Variants in OPHN1 observed in about 807,000 individuals in gnomAD.
OPHN1 encodes the protein oligophrenin 1, also known as oligophrenin-1.
A neutral mutation model predicts 60.7 loss-of-function variants in OPHN1; 11 were observed. The observed-to-expected ratio is 0.18, with a 90% CI of 0.11 to 0.30. OPHN1 has a LOEUF of 0.30. Among genes scored for constraint, OPHN1 ranks in the 10% least tolerant of loss-of-function variants. The probability of loss-of-function intolerance (pLI) is 1.00; values close to 1 mark genes in which losing one functional copy is unlikely to be tolerated. For synonymous variants in OPHN1, 226 were observed against 222.6 expected, an observed-to-expected ratio of 1.02 and a Z score of -0.14; for missense variants, 449 against 611.0, an observed-to-expected ratio of 0.73 and a Z score of 2.80.
chrX:68,135,277 T>C (rs1314596621), intron 15 of OPHN1, among the ~76,000 whole-genome samples: 1 of 108,640 alleles, frequency 9.2e-6, no homozygotes. Flanking sequence ...ACAAGCTTAG[T>C]TGCAAACAAA....
intron 2 of OPHN1, among the ~76,000 whole-genome samples, chrX:68,353,340 G>A (rs2078422600): frequency 2.0e-5 from 2 of 102,173 alleles, no homozygotes; most frequent in African/African-American, 7.2e-5. Context: ...AGGCTGAGGC[G>A]AGTAGATCAC....
At chrX:68,414,173 T>C (rs1449235133) in intron 2 of OPHN1, among the ~76,000 whole-genome samples, 1 of 112,031 alleles carries the variant, frequency 8.9e-6, no homozygotes, top group Non-Finnish European at 1.9e-5. Flanking sequence ...TCAGTGCCAG[T>C]AGAACCACAA....
intron 19 of OPHN1, among the ~76,000 whole-genome samples, chrX:68,084,199 A>C (rs2076986116): frequency 9.2e-6 from 1 of 108,985 alleles, no homozygotes; most frequent in Admixed American, 9.8e-5. Context: ...CCTGATGTAA[A>C]GAACCTAGCC....
intron 2 of OPHN1, among the ~76,000 whole-genome samples, chrX:68,362,769 G>A: frequency 9.0e-6 from 1 of 111,174 alleles, no homozygotes; most frequent in African/African-American, 3.3e-5. Context: ...TTCAAAGTGT[G>A]AATTCTAATG....
At chrX:68,056,042 T>C (rs1015141307) in intron 21 of OPHN1, among the ~76,000 whole-genome samples, 2 of 110,833 alleles carry the variant, frequency 1.8e-5, no homozygotes, top group Non-Finnish European at 3.8e-5. Context: ...ATATGGCACA[T>C]ATATACATAT....
intron 15 of OPHN1, among the ~76,000 whole-genome samples, chrX:68,142,736 G>C (rs904309490): frequency 1.8e-5 from 2 of 112,073 alleles, no homozygotes; most frequent in African/African-American, 6.5e-5. Flanking sequence ...TGAAAGGTTT[G>C]CTAGGATAGG....
At chrX:68,274,898 A>G (rs1409899389) in intron 4 of OPHN1, 89 bp from the exon 5 acceptor site, 12 of 618,238 alleles carry the variant, frequency 1.9e-5, no homozygotes, top group Non-Finnish European at 2.9e-5. Flanking sequence ...TCATTTATAT[A>G]CCAACCTGCA....
intron 2 of OPHN1, among the ~76,000 whole-genome samples, chrX:68,390,703 C>T (rs1447790431): frequency 1.8e-5 from 2 of 111,942 alleles, no homozygotes; most frequent in African/African-American, 6.5e-5. Context: ...GTGATCAAGA[C>T]GTAAATGGTC....
chrX:68,327,808 A>C (rs112525426), intron 2 of OPHN1, among the ~76,000 whole-genome samples: 1 of 103,486 alleles, frequency 9.7e-6, no homozygotes, highest in Non-Finnish European at 1.9e-5. Flanking sequence ...AAAAAAAAAA[A>C]AAAAAAAAAT....
intron 2 of OPHN1, among the ~76,000 whole-genome samples, chrX:68,311,991 TA>T (rs1230564497): frequency 9.0e-6 from 1 of 111,200 alleles, no homozygotes; most frequent in Non-Finnish European, 1.9e-5. Flanking sequence ...TAATACATTT[TA>T]AAAGCTTAAA....
At chrX:68,365,260 G>T (rs1343354207) in intron 2 of OPHN1, among the ~76,000 whole-genome samples, 1 of 110,075 alleles carries the variant, frequency 9.1e-6, no homozygotes, top group Non-Finnish European at 1.9e-5. Flanking sequence ...AGACTTAAAG[G>T]ATATGTAGGA....
At chrX:68,321,978 T>C (rs1174744025) in intron 2 of OPHN1, among the ~76,000 whole-genome samples, 1 of 110,240 alleles carries the variant, frequency 9.1e-6, no homozygotes, top group Non-Finnish European at 1.9e-5. Context: ...TATTTTATTT[T>C]ATTTTATTTT....
At chrX:68,324,889 A>C (rs1476146205) in intron 2 of OPHN1, among the ~76,000 whole-genome samples, 2 of 107,769 alleles carry the variant, frequency 1.9e-5, no homozygotes, top group African/African-American at 6.8e-5. Context: ...AAAAGTAAAA[A>C]AAAAAAAAAA....
intron 2 of OPHN1, among the ~76,000 whole-genome samples, chrX:68,416,065 TATAGAGAGAG>T (rs1478083669): frequency 2.7e-3 from 14 of 5,190 alleles, no homozygotes; most frequent in African/African-American, 4.4e-3. Flanking sequence ...TATATATATA[TATAGAGAGAG>T]AGAGAGAGAG....
chrX:68,377,075 T>C (rs1394048566), intron 2 of OPHN1, among the ~76,000 whole-genome samples: 5 of 103,460 alleles, frequency 4.8e-5, no homozygotes, highest in African/African-American at 1.8e-4. Flanking sequence ...GATTGCAGAC[T>C]CACGCCAACA....
At chrX:68,174,367 G>T (rs1362399005) in intron 15 of OPHN1, among the ~76,000 whole-genome samples, 1 of 108,717 alleles carries the variant, frequency 9.2e-6, no homozygotes, top group Non-Finnish European at 1.9e-5. Context: ...TAGTAAAAAA[G>T]AAGTTTCAAT....
intron 2 of OPHN1, among the ~76,000 whole-genome samples, chrX:68,387,342 C>A (rs748217085): frequency 7.2e-5 from 8 of 110,553 alleles, no homozygotes; most frequent in Non-Finnish European, 1.3e-4. Flanking sequence ...TAGTTCAAGC[C>A]ACCATTCTCT....
At chrX:68,431,517 A>G (rs1299024271) in intron 2 of OPHN1, among the ~76,000 whole-genome samples, 1 of 111,629 alleles carries the variant, frequency 9.0e-6, no homozygotes, top group Non-Finnish European at 1.9e-5. Context: ...CCTGGGTTCA[A>G]GTGATTCTCC....
chrX:68,070,590 G>C (rs879000106), intron 20 of OPHN1: 1 of 657,440 alleles, frequency 1.5e-6, no homozygotes, highest in African/African-American at 2.1e-5. Flanking sequence ...GGCACCACCC[G>C]TAGTGCTCAC....
Sources: allele counts gnomAD v4.1 joint callset (sites outside exome capture counted in the v4.1 genomes callset), GRCh38; gene constraint gnomAD v4.1.1; transcripts MANE v1.5; gene names NCBI Gene and HGNC (gene_info 2026-07-23, HGNC 2026-07-21).